The following LRRC63 variants were observed in gnomAD, a reference collection of about 807,000 sequenced individuals.
The protein encoded by LRRC63 is leucine-rich repeat-containing protein 63.
In LRRC63, 40 loss-of-function variants were observed where a neutral mutation model predicts 49.5. The observed-to-expected ratio is 0.81, with a 90% confidence interval of 0.63 to 1.05. LRRC63 has a LOEUF of 1.05. Among genes scored for constraint, LRRC63 ranks in the 50% least tolerant of loss-of-function variants. The pLI, the probability that LRRC63 is intolerant of heterozygous loss-of-function variation, is 0.00. For synonymous variants in LRRC63, 191 were observed against 221.1 expected, an observed-to-expected ratio of 0.86 and a Z score of 1.21; for missense variants, 636 against 663.1, an observed-to-expected ratio of 0.96 and a Z score of 0.45.
At chr13:46,270,586 G>A (rs1408281806) in intron 9 of LRRC63, 1 of 848,046 alleles carries the variant, frequency 1.2e-6, no homozygotes, top group Admixed American at 1.7e-5. Flanking sequence ...AAGAAGTCAT[G>A]GTGAAATGCA....
rs2047757039 is a variant in LRRC63, at chr13:46,271,414, A to G, written c.1550+4442A>G. Among the ~76,000 whole-genome samples the G allele has an allele frequency of 3.9e-5, 6 of 152,216 alleles. No homozygotes were observed. The South Asian group carries it at 1.2e-3, about 32-fold the overall frequency. On this transcript the variant is annotated intron_variant, in intron 9 of 9. Transcript: ENST00000595396. ...TCCTCTCCCTTTTAGGTTGTAGGGA[A>G]GAGGCTGGAGTGCAGATTGTATCTT...
At chr13:46,227,535 C>T (rs545331128) in exon 3 of LRRC63, 8 of 1,533,106 alleles carry the variant, frequency 5.2e-6, no homozygotes, top group South Asian at 1.2e-5. Flanking sequence ...AATTGAGTCA[C>T]TACATGTAGC....
At chr13:46,250,762 T>C (rs2047357278) in intron 7 of LRRC63, among the ~76,000 whole-genome samples, 1 of 151,940 alleles carries the variant, frequency 6.6e-6, no homozygotes, top group Non-Finnish European at 1.5e-5. Flanking sequence ...GCAGTTCAGG[T>C]GAGAGCCTTG....
chr13:46,237,663 G>A (rs1036783785), intron 5 of LRRC63, among the ~76,000 whole-genome samples: 1 of 151,900 alleles, frequency 6.6e-6, no homozygotes, highest in African/African-American at 2.4e-5. Context: ...ACAAAGATAG[G>A]TTATTTGTAA....
intron 4 of LRRC63, among the ~76,000 whole-genome samples, chr13:46,233,409 G>C (rs893698492): frequency 6.6e-6 from 1 of 152,022 alleles, no homozygotes; most frequent in African/African-American, 2.4e-5. Flanking sequence ...TTCTATTTTA[G>C]AAATTAAAAA....
At chr13:46,259,217 T>C (rs968185056) in intron 7 of LRRC63, among the ~76,000 whole-genome samples, 1 of 152,152 alleles carries the variant, frequency 6.6e-6, no homozygotes, top group Non-Finnish European at 1.5e-5. Context: ...TTTTCAACTC[T>C]CTTATAAAAT....
At chr13:46,234,370 G>A (rs2046847948) in intron 5 of LRRC63, 21 bp downstream of exon 5, 2 of 1,546,470 alleles carry the variant, frequency 1.3e-6, no homozygotes, top group Non-Finnish European at 1.7e-6. Flanking sequence ...TCTTTTTAAT[G>A]ACAGTGCCCT....
intron 4 of LRRC63, among the ~76,000 whole-genome samples, chr13:46,231,815 C>CTTT (rs1295050179): frequency 1.5e-5 from 2 of 133,470 alleles, no homozygotes; most frequent in Non-Finnish European, 1.6e-5. Flanking sequence ...CTGCCACACA[C>CTTT]TTTTTTTTTT....
intron 9 of LRRC63, among the ~76,000 whole-genome samples, chr13:46,271,776 CACTGAATTTCA>C (rs1185178870): frequency 6.8e-6 from 1 of 147,802 alleles, no homozygotes; most frequent in East Asian, 2.0e-4. Flanking sequence ...GATCAGTTAA[CACTGAATTTCA>C]AATAAAAGGA....
chr13:46,221,950 G>A (rs1026559865), intron 2 of LRRC63, among the ~76,000 whole-genome samples: 20 of 152,144 alleles, frequency 1.3e-4, no homozygotes, highest in East Asian at 3.9e-4. Context: ...GTTGTCAGGC[G>A]TACAGTGAAC....
chr13:46,272,521 A>G (rs1224868996), intron 9 of LRRC63, among the ~76,000 whole-genome samples: 2 of 152,256 alleles, frequency 1.3e-5, no homozygotes, highest in Non-Finnish European at 2.9e-5. Flanking sequence ...TATGACTATC[A>G]TCATGTATCA....
chr13:46,230,820 G>T (rs575041410), intron 4 of LRRC63, among the ~76,000 whole-genome samples: 1 of 152,228 alleles, frequency 6.6e-6, no homozygotes, highest in Admixed American at 6.5e-5. Context: ...TTTCAACTTT[G>T]TCATTGCTTT....
At chr13:46,259,088 G>A (rs2047572772) in intron 7 of LRRC63, among the ~76,000 whole-genome samples, 1 of 152,142 alleles carries the variant, frequency 6.6e-6, no homozygotes. Flanking sequence ...GCAGCATGGA[G>A]GCAGGAAAGC....
chr13:46,220,114 C>G (rs2046362242), intron 2 of LRRC63, among the ~76,000 whole-genome samples: 1 of 152,206 alleles, frequency 6.6e-6, no homozygotes, highest in Non-Finnish European at 1.5e-5. Context: ...GTCTGTCCCC[C>G]TTAGCAGAGC....
At chr13:46,240,375 C>G (rs983831585) in intron 5 of LRRC63, among the ~76,000 whole-genome samples, 1 of 152,078 alleles carries the variant, frequency 6.6e-6, no homozygotes, top group Non-Finnish European at 1.5e-5. Context: ...GATCCGCCCA[C>G]CTCGGCCTCC....
intron 2 of LRRC63, among the ~76,000 whole-genome samples, chr13:46,221,593 C>T (rs75973281): frequency 1.3e-5 from 2 of 151,984 alleles, no homozygotes; most frequent in African/African-American, 4.8e-5. Context: ...TTTTATTTTC[C>T]CATTTTGTTT....
chr13:46,243,787 C>T (rs1234617), intron 5 of LRRC63, among the ~76,000 whole-genome samples: 8 of 152,018 alleles, frequency 5.3e-5, no homozygotes, highest in African/African-American at 7.2e-5. Context: ...CTTGGTTATA[C>T]GCTTTAAAGA....
intron 4 of LRRC63, among the ~76,000 whole-genome samples, chr13:46,228,934 T>G (rs2046660438): frequency 6.6e-6 from 1 of 152,154 alleles, no homozygotes; most frequent in Non-Finnish European, 1.5e-5. Context: ...ATATTGATAT[T>G]GAGAATATAA....
intron 9 of LRRC63, among the ~76,000 whole-genome samples, chr13:46,272,441 T>A (rs1594102901): frequency 7.0e-6 from 1 of 142,002 alleles, no homozygotes; most frequent in Admixed American, 7.5e-5. Context: ...AGCAACAATC[T>A]TTTTTTAACT....
Sources: allele counts gnomAD v4.1 joint callset (sites outside exome capture counted in the v4.1 genomes callset), GRCh38; gene constraint gnomAD v4.1.1; transcripts MANE v1.5; gene names NCBI Gene and HGNC (gene_info 2026-07-23, HGNC 2026-07-21).